The following TMEM74 variants were observed in gnomAD, a reference collection of about 807,000 sequenced individuals.
TMEM74 encodes the protein transmembrane protein 74.
TMEM74 carries 13 observed loss-of-function variants against 18.1 expected under a neutral mutation model. The ratio of observed to expected loss-of-function variants is 0.72; its 90% CI spans 0.47 to 1.14. The LOEUF is 1.14. Among genes scored for constraint, TMEM74 ranks in the 50% most tolerant of loss-of-function variants. The pLI is 0.00. For missense variants in TMEM74, 372 were observed against 375.9 expected (o/e 0.99, Z 0.09); for synonymous variants, 159 against 146.6 (o/e 1.08, Z -0.61).
At chr8:108,642,960 A>C (rs1156952258) in intron 2 of TMEM74, among the ~76,000 whole-genome samples, 1 of 152,210 alleles carries the variant, frequency 6.6e-6, no homozygotes, top group Non-Finnish European at 1.5e-5. Context: ...TCATTCATTT[A>C]TTGGTGTACT....
intron 2 of TMEM74, among the ~76,000 whole-genome samples, chr8:108,623,154 A>T (rs1034663437): frequency 2.0e-5 from 3 of 152,104 alleles, no homozygotes; most frequent in Non-Finnish European, 4.4e-5. Context: ...TTAAGTGTAA[A>T]TGCTTTTAAA....
intron 2 of TMEM74, among the ~76,000 whole-genome samples, chr8:108,628,718 A>G (rs1410817240): frequency 1.3e-5 from 2 of 152,128 alleles, no homozygotes; most frequent in Non-Finnish European, 2.9e-5. Context: ...ACTGTCTGCC[A>G]TAATGGTTGA....
chr8:108,724,672 A>G (rs541905438), intron 1 of TMEM74, among the ~76,000 whole-genome samples: 51 of 152,306 alleles, frequency 3.3e-4, no homozygotes, highest in African/African-American at 1.2e-3. Flanking sequence ...ACAAGTTAAA[A>G]TTGCTTATAC....
chr8:108,717,659 G>A (rs1813538916), intron 1 of TMEM74, among the ~76,000 whole-genome samples: 1 of 152,146 alleles, frequency 6.6e-6, no homozygotes, highest in Admixed American at 6.6e-5. Flanking sequence ...CTGGAGAGAT[G>A]CCATTGGAAC....
chr8:108,712,304 C>T (rs1410743210), intron 1 of TMEM74, among the ~76,000 whole-genome samples: 1 of 152,158 alleles, frequency 6.6e-6, no homozygotes, highest in East Asian at 1.9e-4. Context: ...CAGTGTTTTC[C>T]AGCCTGAATT....
intron 2 of TMEM74, among the ~76,000 whole-genome samples, chr8:108,655,025 T>G (rs1812808292): frequency 6.6e-6 from 1 of 152,178 alleles, no homozygotes; most frequent in Admixed American, 6.6e-5. Flanking sequence ...GGTAGTCATT[T>G]TTTTATGAAA....
intron 1 of TMEM74, among the ~76,000 whole-genome samples, chr8:108,680,527 A>G (rs1309593524): frequency 6.6e-6 from 1 of 152,208 alleles, no homozygotes; most frequent in Non-Finnish European, 1.5e-5. Flanking sequence ...CAAAATAATA[A>G]GAGCTATCTA....
chr8:108,681,240 G>A (rs1257230963), intron 1 of TMEM74, among the ~76,000 whole-genome samples: 1 of 152,096 alleles, frequency 6.6e-6, no homozygotes, highest in African/African-American at 2.4e-5. Flanking sequence ...CAAAGCCGGA[G>A]GCATCACGCT....
chr8:108,617,054 T>C (rs946459748), intron 2 of TMEM74, among the ~76,000 whole-genome samples: 2 of 151,896 alleles, frequency 1.3e-5, no homozygotes, highest in African/African-American at 4.8e-5. Context: ...GAAGAGGAGA[T>C]GATCTATTCT....
chr8:108,673,885 A>G (rs1284279004), intron 1 of TMEM74, among the ~76,000 whole-genome samples: 1 of 152,184 alleles, frequency 6.6e-6, no homozygotes, highest in African/African-American at 2.4e-5. Flanking sequence ...TATTTAGCCT[A>G]TTGTTAATAC....
In TMEM74 at chr8:108,698,212, T is replaced by C. The variant is rs943542830; in HGVS notation, n.120-42775A>G. Among the ~76,000 whole-genome samples, 12 of 152,342 alleles carry C rather than the reference T, an allele frequency of 7.9e-5. No homozygotes were observed. The East Asian group carries it at 2.3e-3, about 29-fold the overall frequency. ...GCTCAGAGAAATTCAGTTACTTTTA[T>C]AAGGTCACACAATCAAGATTAAAAT... On this transcript the variant is annotated intron_variant and non_coding_transcript_variant, in intron 1 of 3. Coordinates refer to the TMEM74 transcript ENST00000518838.
intron 1 of TMEM74, among the ~76,000 whole-genome samples, chr8:108,734,071 C>A (rs141136387): frequency 7.5e-4 from 114 of 152,262 alleles, no homozygotes; most frequent in African/African-American, 2.5e-3. Flanking sequence ...TCCTGGAGGA[C>A]ATTGGCATGT....
chr8:108,639,276 A>G (rs1386086514), intron 2 of TMEM74, among the ~76,000 whole-genome samples: 1 of 152,182 alleles, frequency 6.6e-6, no homozygotes, highest in Non-Finnish European at 1.5e-5. Flanking sequence ...TTTATATATG[A>G]GTAAACTGAA....
At chr8:108,752,479 A>G (rs1038570054) in intron 1 of TMEM74, among the ~76,000 whole-genome samples, 4 of 152,108 alleles carry the variant, frequency 2.6e-5, no homozygotes, top group African/African-American at 7.2e-5. Flanking sequence ...ATGGCATCTC[A>G]TGTTCAAAAA....
At chr8:108,764,018 T>C (rs1290023443) in intron 1 of TMEM74, among the ~76,000 whole-genome samples, 1 of 152,154 alleles carries the variant, frequency 6.6e-6, no homozygotes. Context: ...TTTCCTTTTG[T>C]ATCAACTCTA....
At chr8:108,631,861 A>C (rs1272055099) in intron 2 of TMEM74, among the ~76,000 whole-genome samples, 1 of 152,042 alleles carries the variant, frequency 6.6e-6, no homozygotes, top group African/African-American at 2.4e-5. Context: ...AATACAAGCC[A>C]CTGGGGGTGT....
At chr8:108,680,165 A>G (rs1167166289) in intron 1 of TMEM74, among the ~76,000 whole-genome samples, 1 of 152,224 alleles carries the variant, frequency 6.6e-6, no homozygotes, top group Non-Finnish European at 1.5e-5. Flanking sequence ...AACTCATTTT[A>G]TGAGGCTAGC....
intron 1 of TMEM74, among the ~76,000 whole-genome samples, chr8:108,727,891 G>C (rs1813654876): frequency 6.6e-6 from 1 of 152,164 alleles, no homozygotes; most frequent in Non-Finnish European, 1.5e-5. Flanking sequence ...AGGGGAATGT[G>C]GTGGCCTGGC....
rs187790145 is a variant in TMEM74 at position 108,615,490 on chromosome 8, C to G, written n.265-6664G>C. Among the ~76,000 whole-genome samples the G allele has an allele frequency of 6.1e-4, 93 of 152,296 alleles. 1 individual carries two copies. Among genetic ancestry groups the G allele is most frequent in the African/African-American group, 2.1e-3 (88 of 41,564 alleles). On this transcript the variant is annotated intron_variant and non_coding_transcript_variant, in intron 2 of 3. Transcript: ENST00000518838. ...TACTTTTCAGCCACTTCTCTATTGA[C>G]AACTACTCAACTGTAACTGTTTAGG... is the stretch of plus-strand genomic sequence containing the variant.
Sources: gnomAD v4.1 joint callset for allele counts (sites outside exome capture counted in the v4.1 genomes callset) on GRCh38, gnomAD v4.1.1 for gene constraint, MANE v1.5 for transcripts, NCBI Gene and HGNC (gene_info 2026-07-23, HGNC 2026-07-21) for gene names.